COL22A1: variants seen among roughly 807,000 people sequenced by gnomAD.
COL22A1 encodes collagen alpha-1(XXII) chain.
Under a neutral mutation model 248.9 loss-of-function variants are expected in COL22A1, and 221 were observed. The observed-to-expected ratio is 0.89, with a 90% CI of 0.80 to 0.99. The LOEUF (loss-of-function observed/expected upper bound fraction) is 0.99. Ranked by LOEUF, COL22A1 falls within the 50% of genes least tolerant of loss-of-function variation. The pLI is 0.00. For missense variants in COL22A1, 2,240 were observed against 2,179.0 expected, an observed-to-expected ratio of 1.03 and a Z score of -0.56; for synonymous variants, 891 against 793.4, an observed-to-expected ratio of 1.12 and a Z score of -2.07.
intron 11 of COL22A1, among the ~76,000 whole-genome samples, chr8:138,798,546 C>T (rs974571674): frequency 1.8e-4 from 27 of 152,062 alleles, no homozygotes; most frequent in Admixed American, 3.3e-4. Flanking sequence ...GAAACATACT[C>T]CTTCTTAGCT....
chr8:138,624,995 TTAA>T (rs1045236516), intron 51 of COL22A1, among the ~76,000 whole-genome samples: 2 of 152,162 alleles, frequency 1.3e-5, no homozygotes, highest in Admixed American at 6.5e-5. Flanking sequence ...AACCCCATGA[TTAA>T]TTACCAGGCA....
chr8:138,725,781 A>T (rs997800464), intron 23 of COL22A1, among the ~76,000 whole-genome samples: 4 of 151,948 alleles, frequency 2.6e-5, no homozygotes, highest in Admixed American at 1.3e-4. Context: ...ACACACACAC[A>T]CACACACACA....
intron 9 of COL22A1, among the ~76,000 whole-genome samples, chr8:138,810,422 C>T (rs1362835044): frequency 6.6e-6 from 1 of 152,208 alleles, no homozygotes; most frequent in Non-Finnish European, 1.5e-5. Flanking sequence ...AAAACCATAT[C>T]CTCAGCCTGA....
At chr8:138,595,714 C>G (rs771666572) in intron 62 of COL22A1, among the ~76,000 whole-genome samples, 3 of 151,948 alleles carry the variant, frequency 2.0e-5, no homozygotes, top group African/African-American at 7.3e-5. Context: ...GAAGGAGGGC[C>G]GTCTTGTTTA....
intron 3 of COL22A1, among the ~76,000 whole-genome samples, chr8:138,852,158 T>C (rs1298346182): frequency 6.6e-6 from 1 of 151,392 alleles, no homozygotes; most frequent in African/African-American, 2.4e-5. Context: ...TGAGATGAGG[T>C]AGAAGTGGCC....
chr8:138,702,865 G>T (rs532233159), intron 31 of COL22A1, among the ~76,000 whole-genome samples: 23 of 152,184 alleles, frequency 1.5e-4, no homozygotes, highest in African/African-American at 5.3e-4. Flanking sequence ...TGACAGAGCT[G>T]GGAGCCAGGT....
chr8:138,816,062 T>G (rs1818663407), intron 7 of COL22A1, among the ~76,000 whole-genome samples: 1 of 152,164 alleles, frequency 6.6e-6, no homozygotes, highest in African/African-American at 2.4e-5. Context: ...AATGAAAAAT[T>G]GTGGTTTTGA....
At chr8:138,617,764 C>G (rs1350083284) in intron 53 of COL22A1, among the ~76,000 whole-genome samples, 7 of 152,172 alleles carry the variant, frequency 4.6e-5, no homozygotes, top group Non-Finnish European at 1.0e-4. Flanking sequence ...GACCATGGCT[C>G]CCATTTTGCA....
At chr8:138,898,238 G>C (rs1415910885) in intron 1 of COL22A1, among the ~76,000 whole-genome samples, 1 of 152,144 alleles carries the variant, frequency 6.6e-6, no homozygotes, top group East Asian at 1.9e-4. Context: ...CTGGGTGTAC[G>C]TAATAAAACA....
intron 49 of COL22A1, among the ~76,000 whole-genome samples, chr8:138,633,157 T>C (rs1407628644): frequency 6.6e-6 from 1 of 152,248 alleles, no homozygotes; most frequent in Non-Finnish European, 1.5e-5. Context: ...GTTAATTTTC[T>C]GCTGTGGAGT....
At chr8:138,715,945 T>C (rs1829398805) in intron 29 of COL22A1, among the ~76,000 whole-genome samples, 1 of 152,058 alleles carries the variant, frequency 6.6e-6, no homozygotes, top group Non-Finnish European at 1.5e-5. Context: ...CATTCTCCAT[T>C]TGTCCCCTGA....
At chr8:138,678,399 C>G (rs1825725256) in intron 40 of COL22A1, among the ~76,000 whole-genome samples, 1 of 152,108 alleles carries the variant, frequency 6.6e-6, no homozygotes, top group African/African-American at 2.4e-5. Flanking sequence ...CAGCAACATC[C>G]CTTGCCCTGC....
At chr8:138,757,951 G>A (rs757021447) in intron 18 of COL22A1, among the ~76,000 whole-genome samples, 1 of 152,044 alleles carries the variant, frequency 6.6e-6, no homozygotes, top group African/African-American at 2.4e-5. Flanking sequence ...CACCATCCCC[G>A]TTCCTCTATG....
chr8:138,713,034 T>C (rs912425848), intron 30 of COL22A1, among the ~76,000 whole-genome samples: 39 of 152,202 alleles, frequency 2.6e-4, no homozygotes, highest in Non-Finnish European at 5.4e-4. Context: ...GTAGAAAGGA[T>C]GTCAGTCATT....
chr8:138,903,345 C>A (rs560108286), intron 1 of COL22A1, among the ~76,000 whole-genome samples: 45 of 152,240 alleles, frequency 3.0e-4, no homozygotes, highest in African/African-American at 1.1e-3. Flanking sequence ...ACAGAAATAA[C>A]CATGGAAAGG....
At chr8:138,826,542 A>C (rs533487220) in intron 6 of COL22A1, 116 bp downstream of exon 6, 11 of 1,121,086 alleles carry the variant, frequency 9.8e-6, no homozygotes, top group Middle Eastern at 2.9e-4. Flanking sequence ...CAGGCTCTCT[A>C]TCTCTCTAGG....
rs1193590971 is a variant in COL22A1 at position 138,589,188 on chromosome 8, T to C, written c.*65A>G. On this transcript the variant is annotated 3_prime_UTR_variant, in exon 65 of 65. Transcript: ENST00000303045. ...GCTGAAGTCTTTCAAGACCTCTGGC[T>C]TCCCACTGGGCTCTGAGTTCAAGTT... The C allele has an allele frequency of 6.7e-7, 1 of 1,492,042 alleles. No individual in the cohort carries two copies. Among genetic ancestry groups the C allele is most frequent in the Non-Finnish European group, 9.2e-7 (1 of 1,085,092 alleles). The allele number at this position is 1,492,042 out of a possible 1,614,324, so 92.4% of individuals were successfully genotyped here.
At chr8:138,806,030 T>TTA in intron 10 of COL22A1, among the ~76,000 whole-genome samples, 1 of 5,672 alleles carries the variant, frequency 1.8e-4, no homozygotes, top group Non-Finnish European at 3.0e-4. Flanking sequence ...TGGTGTGTGG[T>TTA]TGTGTGTGTG....
chr8:138,615,945 C>T (rs1247873890), intron 55 of COL22A1, 56 bp downstream of exon 55: 17 of 1,361,882 alleles, frequency 1.2e-5, no homozygotes, highest in Non-Finnish European at 1.8e-5. Context: ...GTGTCACTTC[C>T]TTGATACACC....
Sources: gnomAD v4.1 joint callset for allele counts (sites outside exome capture counted in the v4.1 genomes callset) on GRCh38, gnomAD v4.1.1 for gene constraint, MANE v1.5 for transcripts, NCBI Gene and HGNC (gene_info 2026-07-23, HGNC 2026-07-21) for gene names.